The following NCKAP5 variants were observed in gnomAD, a reference collection of about 807,000 sequenced individuals.
NCKAP5 encodes the protein nck-associated protein 5.
NCKAP5 carries 92 observed loss-of-function variants against 167.0 expected under a neutral mutation model. The ratio of observed to expected loss-of-function variants is 0.55; its 90% CI spans 0.47 to 0.66. The LOEUF is 0.66. Ranked by LOEUF, NCKAP5 falls within the 30% of genes least tolerant of loss-of-function variation. The probability of loss-of-function intolerance (pLI) is 0.00; values close to 1 mark genes in which losing one functional copy is unlikely to be tolerated. For synonymous variants in NCKAP5, 891 were observed against 877.4 expected, an observed-to-expected ratio of 1.02 and a Z score of -0.27; for missense variants, 2,378 against 2,315.0, an observed-to-expected ratio of 1.03 and a Z score of -0.56.
At chr2:133,053,321 A>G (rs983476808) in intron 6 of NCKAP5, among the ~76,000 whole-genome samples, 3 of 152,186 alleles carry the variant, frequency 2.0e-5, no homozygotes, top group African/African-American at 7.2e-5. Flanking sequence ...CCTGGCTGGA[A>G]GTTTGCCATC....
intron 6 of NCKAP5, among the ~76,000 whole-genome samples, chr2:133,072,386 G>A (rs1232459593): frequency 6.6e-6 from 1 of 151,984 alleles, no homozygotes; most frequent in Non-Finnish European, 1.5e-5. Flanking sequence ...ACCTTTTCCA[G>A]GGAGCACTGC....
chr2:133,343,685 G>A (rs1452148880), intron 3 of NCKAP5, among the ~76,000 whole-genome samples: 3 of 152,198 alleles, frequency 2.0e-5, no homozygotes, highest in African/African-American at 7.2e-5. Flanking sequence ...TAGACAGGAT[G>A]TAATCATATG....
chr2:133,182,302 C>A (rs911423383), intron 5 of NCKAP5, among the ~76,000 whole-genome samples: 6 of 152,092 alleles, frequency 3.9e-5, no homozygotes, highest in African/African-American at 1.4e-4. Context: ...TACAAAAGTA[C>A]ATAAAATACA....
intron 2 of NCKAP5, among the ~76,000 whole-genome samples, chr2:133,521,188 G>A (rs1028963029): frequency 6.6e-6 from 1 of 152,182 alleles, no homozygotes; most frequent in Non-Finnish European, 1.5e-5. Flanking sequence ...ATCCAGGGGG[G>A]AAATGAGTAT....
chr2:133,616,635 G>C, the NCKAP5 span, among the ~76,000 whole-genome samples: 5 of 151,062 alleles, frequency 3.3e-5, no homozygotes, highest in Admixed American at 3.3e-4. Context: ...ACCAATAACA[G>C]GAGCTGAAAT....
At chr2:133,625,622 T>C in the NCKAP5 span, among the ~76,000 whole-genome samples, 9 of 151,922 alleles carry the variant, frequency 5.9e-5, 1 homozygote, top group Admixed American at 5.9e-4. Flanking sequence ...GAATAATAAG[T>C]CACTTTGGGA....
chr2:133,378,700 G>A lies in NCKAP5; in HGVS notation c.70-75590C>T, dbSNP rs112965823. Among the ~76,000 whole-genome samples, 948 of 152,294 alleles carry A rather than the reference G, an allele frequency of 6.2e-3. 9 individuals are homozygous for A. The highest frequency in any genetic ancestry group is 0.01 in the Non-Finnish European group (681 of 68,018). On this transcript the variant is annotated intron_variant, in intron 3 of 19. Transcript: ENST00000409261. ...ATTGAAAAGAAGGAAACCTTCCTCC[G>A]TTCTGTCTCACCCCAATTCAGAACA...
At chr2:133,584,144 T>A in the NCKAP5 span, among the ~76,000 whole-genome samples, 8 of 152,254 alleles carry the variant, frequency 5.3e-5, no homozygotes, top group Non-Finnish European at 8.8e-5. Flanking sequence ...TGTTTTTTAA[T>A]AGGAGATGTG....
At chr2:133,528,674 T>C (rs887275058) in intron 2 of NCKAP5, among the ~76,000 whole-genome samples, 4 of 152,242 alleles carry the variant, frequency 2.6e-5, no homozygotes, top group African/African-American at 7.2e-5. Flanking sequence ...ACTTAGTTCT[T>C]TGCAGAATCC....
At chr2:133,656,361 A>G in the NCKAP5 span, among the ~76,000 whole-genome samples, 1 of 152,208 alleles carries the variant, frequency 6.6e-6, no homozygotes, top group Admixed American at 6.5e-5. Context: ...AGCTATTATT[A>G]TGATTTGCTG....
At chr2:133,062,686 T>C (rs1005456992) in intron 6 of NCKAP5, among the ~76,000 whole-genome samples, 11 of 152,330 alleles carry the variant, frequency 7.2e-5, no homozygotes, top group South Asian at 2.1e-4. Context: ...GTTATAGATT[T>C]AAAAATATAT....
At chr2:133,487,699 C>T (rs1232489656) in intron 3 of NCKAP5, among the ~76,000 whole-genome samples, 1 of 152,102 alleles carries the variant, frequency 6.6e-6, no homozygotes, top group African/African-American at 2.4e-5. Flanking sequence ...AAGAAACACA[C>T]CCAGCTTCAT....
chr2:133,065,817 T>C (rs2080174453), intron 6 of NCKAP5, among the ~76,000 whole-genome samples: 1 of 152,176 alleles, frequency 6.6e-6, no homozygotes. Flanking sequence ...TAGAGTCTTG[T>C]CTGGCATTTT....
chr2:132,873,479 G>A lies in NCKAP5; in HGVS notation c.649-4505C>T, dbSNP rs116057796. ...GCGTGAGGGGTATGTATATGTGTGC[G>A]TGTGTTTGTGTGTGTGTCCACATAA... On this transcript the variant is annotated intron_variant, in intron 9 of 19. Transcript: ENST00000409261. Among the ~76,000 whole-genome samples, 802 of 152,140 alleles carry A rather than the reference G, an allele frequency of 5.3e-3. 3 individuals carry two copies. The highest frequency in any genetic ancestry group is 0.014 in the South Asian group (66 of 4,812).
chr2:133,061,525 A>C (rs2080001942), intron 6 of NCKAP5, among the ~76,000 whole-genome samples: 2 of 152,232 alleles, frequency 1.3e-5, no homozygotes, highest in South Asian at 4.1e-4. Context: ...AGTTACAGAA[A>C]ACAAAAAGAA....
intron 7 of NCKAP5, among the ~76,000 whole-genome samples, chr2:132,966,302 G>A (rs973795324): frequency 1.3e-5 from 2 of 152,110 alleles, no homozygotes; most frequent in Non-Finnish European, 2.9e-5. Flanking sequence ...GTTTCACCAG[G>A]TTAGCCAGGC....
chr2:133,507,109 T>C (rs1225193284), intron 3 of NCKAP5, among the ~76,000 whole-genome samples: 2 of 152,200 alleles, frequency 1.3e-5, no homozygotes, highest in Non-Finnish European at 2.9e-5. Context: ...ACCACTGGCC[T>C]CATCCCAGTC....
At chr2:133,187,032 T>G (rs1465769239) in intron 5 of NCKAP5, among the ~76,000 whole-genome samples, 1 of 152,040 alleles carries the variant, frequency 6.6e-6, no homozygotes, top group African/African-American at 2.4e-5. Flanking sequence ...CCTAGTTTCC[T>G]ACTGCCATGT....
At position 132,748,115 on chromosome 2, in the gene NCKAP5, C is replaced by T. The variant is rs186698736; in HGVS notation, c.5129-16064G>A. On this transcript the variant is annotated intron_variant, in intron 16 of 19. Coordinates refer to ENST00000409261, the MANE Select transcript of NCKAP5 (RefSeq NM_207363.3). ...TTGCCTGCAGTTCTCTTCACTGTGT[C>T]CCTGCTATGTATCAGTTTTATCTTC... Among the ~76,000 whole-genome samples the T allele has an allele frequency of 5.3e-5, 8 of 152,290 alleles. No individual in the cohort carries two copies. In the East Asian group the frequency reaches 1.5e-3, roughly 29 times the overall value.
Sources: allele counts gnomAD v4.1 joint callset (sites outside exome capture counted in the v4.1 genomes callset), GRCh38; gene constraint gnomAD v4.1.1; transcripts MANE v1.5; gene names NCBI Gene and HGNC (gene_info 2026-07-23, HGNC 2026-07-21).